Variants in IMMP2L observed in about 807,000 individuals in gnomAD.
IMMP2L encodes the protein inner mitochondrial membrane peptidase subunit 2, also known as mitochondrial inner membrane protease subunit 2.
IMMP2L carries 18 observed loss-of-function variants against 19.3 expected under a neutral mutation model. The observed-to-expected ratio is 0.93, with a 90% CI of 0.64 to 1.38. The LOEUF is 1.38. Among genes scored for constraint, IMMP2L ranks in the 40% most tolerant of loss-of-function variants. The pLI, the probability that IMMP2L is intolerant of heterozygous loss-of-function variation, is 0.00. For synonymous variants in IMMP2L, 76 were observed against 73.0 expected (o/e 1.04, Z -0.21); for missense variants, 233 against 218.2 (o/e 1.07, Z -0.43).
chr7:111,050,662 G>C (rs535626017), intron 3 of IMMP2L, among the ~76,000 whole-genome samples: 57 of 152,200 alleles, frequency 3.7e-4, no homozygotes, highest in African/African-American at 1.3e-3. Flanking sequence ...CTCCGTTTCG[G>C]GGTGACTCAA....
At chr7:111,085,171 A>T (rs767358091) in intron 3 of IMMP2L, among the ~76,000 whole-genome samples, 1 of 152,102 alleles carries the variant, frequency 6.6e-6, no homozygotes, top group Non-Finnish European at 1.5e-5. Context: ...CTGACATGTC[A>T]TCCTTGATTG....
intron 4 of IMMP2L, among the ~76,000 whole-genome samples, chr7:110,917,649 A>T (rs1179394555): frequency 6.6e-6 from 1 of 152,212 alleles, no homozygotes. Flanking sequence ...TTGCATGTAC[A>T]TTCTAAAAGT....
At chr7:111,392,107 A>G in intron 3 of IMMP2L, 1 of 639,826 alleles carries the variant, frequency 1.6e-6, no homozygotes, top group South Asian at 1.8e-5. Flanking sequence ...CTCTTTGGCT[A>G]TTAGCGACCC....
At chr7:110,908,847 C>T (rs988076003) in intron 4 of IMMP2L, among the ~76,000 whole-genome samples, 7 of 152,166 alleles carry the variant, frequency 4.6e-5, no homozygotes, top group African/African-American at 1.7e-4. Flanking sequence ...TATTGAGTGC[C>T]TTGTAGGTGC....
At chr7:111,408,166 T>C (rs1834060117) in intron 3 of IMMP2L, among the ~76,000 whole-genome samples, 1 of 149,368 alleles carries the variant, frequency 6.7e-6, no homozygotes, top group South Asian at 2.1e-4. Context: ...TAATACCATA[T>C]GTGTACATAC....
intron 3 of IMMP2L, chr7:111,091,423 T>C (rs1326749325): frequency 6.6e-6 from 1 of 152,104 alleles, no homozygotes; most frequent in Admixed American, 6.6e-5. Flanking sequence ...AACACAACCA[T>C]GTGATTATCT....
chr7:110,899,335 A>C (rs893424796), intron 4 of IMMP2L, among the ~76,000 whole-genome samples: 2 of 152,180 alleles, frequency 1.3e-5, no homozygotes, highest in African/African-American at 4.8e-5. Context: ...AGCAAAGATT[A>C]GTTTGCTATT....
intron 3 of IMMP2L, among the ~76,000 whole-genome samples, chr7:111,070,430 G>C (rs1372574179): frequency 6.6e-6 from 1 of 151,686 alleles, no homozygotes; most frequent in Non-Finnish European, 1.5e-5. Context: ...AAATTACAGA[G>C]AAAGACAACA....
chr7:111,196,140 C>T (rs1809477749), intron 3 of IMMP2L, among the ~76,000 whole-genome samples: 1 of 152,096 alleles, frequency 6.6e-6, no homozygotes, highest in Non-Finnish European at 1.5e-5. Flanking sequence ...TCCCAAAGTG[C>T]TGGGATTATA....
chr7:111,089,580 T>C (rs1008979174), intron 3 of IMMP2L, among the ~76,000 whole-genome samples: 6 of 152,110 alleles, frequency 3.9e-5, no homozygotes, highest in African/African-American at 1.4e-4. Context: ...TTAAATTATA[T>C]GTAAATATAC....
chr7:110,776,759 C>T (rs369268828), intron 5 of IMMP2L, among the ~76,000 whole-genome samples: 16 of 152,104 alleles, frequency 1.1e-4, no homozygotes, highest in South Asian at 2.1e-4. Flanking sequence ...GAAAGCCTGA[C>T]GACTATAAAA....
At chr7:111,219,549 A>T (rs1812301462) in intron 3 of IMMP2L, among the ~76,000 whole-genome samples, 1 of 152,052 alleles carries the variant, frequency 6.6e-6, no homozygotes, top group Admixed American at 6.6e-5. Context: ...TTCACATATT[A>T]TTCAAATTAA....
chr7:111,296,505 TA>T (rs201949020), intron 3 of IMMP2L, among the ~76,000 whole-genome samples: 6,484 of 151,946 alleles, frequency 0.043, 214 homozygotes, highest in South Asian at 0.082. Flanking sequence ...AGAATAGCTT[TA>T]AAAAATGGTA....
intron 5 of IMMP2L, among the ~76,000 whole-genome samples, chr7:110,716,671 G>T (rs1395397499): frequency 6.6e-6 from 1 of 152,152 alleles, no homozygotes; most frequent in East Asian, 1.9e-4. Context: ...GAAGTTTGCT[G>T]TTAGCCTGAT....
chr7:111,030,624 T>C (rs545934385), intron 3 of IMMP2L, among the ~76,000 whole-genome samples: 1 of 152,176 alleles, frequency 6.6e-6, no homozygotes, highest in South Asian at 2.1e-4. Context: ...TCCTTTGTAG[T>C]AGAGGTGAGC....
In IMMP2L at chr7:111,537,526, ACT is replaced by A. The variant is rs1491366042; in HGVS notation, c.-2-16079_-2-16078del. Among the ~76,000 whole-genome samples, 4 of 93,376 alleles carry A rather than the reference ACT, an allele frequency of 4.3e-5. No homozygotes were observed. The Admixed American group carries it at 4.3e-4, about 10-fold the overall frequency. 61.3% of individuals were successfully genotyped at this position (93,376 alleles called of 152,430 possible). A position where few individuals can be genotyped will look rare whatever the true frequency, so the allele number is the denominator to read the frequency against. Reference sequence around the variant, plus strand: ...TTAGATTCCTAGTCTCATCACTTCCACTTTTTTTTTTTTTTTTTTTTTTTTTT... The same window carrying A: ...TTAGATTCCTAGTCTCATCACTTCCATTTTTTTTTTTTTTTTTTTTTTTTT... On this transcript the variant is annotated intron_variant, in intron 1 of 5. Coordinates refer to ENST00000405709, the MANE Select transcript of IMMP2L (RefSeq NM_032549.4).
chr7:111,252,167 A>G (rs1467388368), intron 3 of IMMP2L, among the ~76,000 whole-genome samples: 1 of 152,020 alleles, frequency 6.6e-6, no homozygotes, highest in East Asian at 1.9e-4. Flanking sequence ...TTCAAAGTTC[A>G]CATGCAGGAT....
chr7:111,132,537 C>T (rs1224726074), intron 3 of IMMP2L, among the ~76,000 whole-genome samples: 1 of 152,014 alleles, frequency 6.6e-6, no homozygotes, highest in Non-Finnish European at 1.5e-5. Flanking sequence ...AACACCACAT[C>T]AACACCAACA....
chr7:111,435,739 T>G (rs566191141), intron 3 of IMMP2L, among the ~76,000 whole-genome samples: 1 of 151,784 alleles, frequency 6.6e-6, no homozygotes, highest in African/African-American at 2.4e-5. Context: ...AAAAAAACTA[T>G]GAGCTACAAA....
Sources: gnomAD v4.1 joint callset for allele counts (sites outside exome capture counted in the v4.1 genomes callset) on GRCh38, gnomAD v4.1.1 for gene constraint, MANE v1.5 for transcripts, NCBI Gene and HGNC (gene_info 2026-07-23, HGNC 2026-07-21) for gene names.